Variants in SPDYE21 observed in about 807,000 individuals in gnomAD.
The protein encoded by SPDYE21 is speedy protein E21.
Under a neutral mutation model 36.2 loss-of-function variants are expected in SPDYE21, and 14 were observed. That is an observed-to-expected ratio of 0.39 (90% CI 0.26 to 0.61). The LOEUF is 0.61. Among genes scored for constraint, SPDYE21 ranks in the 20% least tolerant of loss-of-function variants. The pLI, the probability that SPDYE21 is intolerant of heterozygous loss-of-function variation, is 0.55. For missense variants in SPDYE21, 233 were observed against 424.6 expected (o/e 0.55, Z 3.97); for synonymous variants, 58 against 155.1 (o/e 0.37, Z 4.65).
rs868053742 is a variant in SPDYE21 at position 67,286,270 on chromosome 7, C to T, written c.982C>T (p.Arg328Cys). The T allele has an allele frequency of 1.3e-5, 21 of 1,593,036 alleles. 1 individual carries two copies. Among genetic ancestry groups the T allele is most frequent in the Middle Eastern group, 3.4e-4 (2 of 5,866 alleles). Residue 328 changes from arginine (R) to cysteine (C), a missense_variant, in exon 7 of 9, where the codon CGC becomes TGC. Arg to Cys is a radical substitution (Grantham distance 180). Coordinates refer to ENST00000424157, the MANE Select transcript of SPDYE21 (RefSeq NM_001382715.2). Reference protein sequence around the residue: ...RSMNPRARKYRSRIPLVRKRR... With the variant: ...RSMNPRARKYCSRIPLVRKRR... The stretch of plus-strand genomic sequence containing the variant: ...CATGAACCCGAGGGCCAGGAAGTAC[C>T]GCTCTCGCATACCCTTGGTCCGTAA...
At chr7:67,281,099 CAAAA>C (rs3972832) in intron 3 of SPDYE21, among the ~76,000 whole-genome samples, 11 of 43,756 alleles carry the variant, frequency 2.5e-4, no homozygotes, top group East Asian at 2.2e-3. Flanking sequence ...ACAACAACAA[CAAAA>C]AAAAAAAAAA....
chr7:67,279,549 G>A (rs1018569846), intron 2 of SPDYE21, among the ~76,000 whole-genome samples: 3 of 152,056 alleles, frequency 2.0e-5, no homozygotes, highest in Non-Finnish European at 4.4e-5. Flanking sequence ...GCAAGATTCT[G>A]TGTCAAAACA....
intron 2 of SPDYE21, 30 bp from the exon 3 acceptor site, chr7:67,279,788 A>G (rs202162848): frequency 0.059 from 94,035 of 1,593,172 alleles, 3,342 homozygotes; most frequent in Non-Finnish European, 0.068. Context: ...ATGCAGAAGC[A>G]TTACACAGTG....
chr7:67,279,757 G>A, intron 2 of SPDYE21, 61 bp from the exon 3 acceptor site: 11 of 1,593,118 alleles, frequency 6.9e-6, no homozygotes, highest in Non-Finnish European at 9.3e-6. Flanking sequence ...GGGGTTTTGG[G>A]TCGGGGTCTA....
rs1802552087 is a variant in SPDYE21, at chr7:67,276,991, C to T, written c.-494C>T. Among the ~76,000 whole-genome samples the T allele has an allele frequency of 6.6e-6, 1 of 152,114 alleles. No individual in the cohort carries two copies. The highest frequency in any genetic ancestry group is 1.5e-5 in the Non-Finnish European group (1 of 68,022). ...GATCGGCTTCCTCTTTCAGTGTGTGCCTTTTCTATGAGCGAGAGACTCCTA... is the reference window on the plus strand; with the variant it reads ...GATCGGCTTCCTCTTTCAGTGTGTGTCTTTTCTATGAGCGAGAGACTCCTA... On this transcript the variant is annotated 5_prime_UTR_variant, in exon 1 of 9. Coordinates refer to ENST00000424157, the MANE Select transcript of SPDYE21 (RefSeq NM_001382715.2).
Position 67,279,955 on chromosome 7 carries a change from T to G in SPDYE21, c.298T>G (p.Cys100Gly). 6.4e-7 allele frequency: 1 copy of G among 1,574,138 alleles called. No homozygotes were observed. The highest frequency in any genetic ancestry group is 2.3e-5 in the East Asian group (1 of 43,520). The change falls in exon 3 of 9, where the codon TGT becomes GGT. Residue 100 changes from cysteine (C) to glycine (G), a missense_variant. Around this residue, in one of 4 missense-constraint regions of SPDYE21, gnomAD observed 68 missense variants for 87.6 expected, o/e 0.78. Transcript: ENST00000424157. The stretch of plus-strand genomic sequence containing the variant: ...GGAGACCTGGGTAGTGGAGACGCTG[T>G]GTGGGCTTAAGATGAAGCTGAAGCA... ...PEETWVVETL[C>G]GLKMKLKQQR...
rs2116515332 is a variant in SPDYE21, at chr7:67,286,445, G to C, written c.1149+8G>C. Among the ~76,000 whole-genome samples the C allele has an allele frequency of 6.6e-6, 1 of 152,208 alleles. No individual in the cohort carries two copies. The highest frequency in any genetic ancestry group is 6.6e-5 in the Admixed American group (1 of 15,266). ...CCGGAGGAGTTGGAGGAGGTGAGTG[G>C]GGCCTGGGGAGGTGGAGGAGGTGGG... On this transcript the variant is annotated splice_region_variant and intron_variant, in intron 7 of 8. Coordinates refer to ENST00000424157, the MANE Select transcript of SPDYE21 (RefSeq NM_001382715.2).
At position 67,287,613 on chromosome 7, in the gene SPDYE21, G is replaced by A. The variant is rs187204163; in HGVS notation, c.*141G>A. On this transcript the variant is annotated 3_prime_UTR_variant, in exon 9 of 9. Coordinates refer to ENST00000424157, the MANE Select transcript of SPDYE21 (RefSeq NM_001382715.2). Reference sequence around the variant, plus strand: ...AAGGAGAAGAGGAACCATTTGTGCAGATCATCTAGAAGAACCTGGACCATT... The same window carrying A: ...AAGGAGAAGAGGAACCATTTGTGCAAATCATCTAGAAGAACCTGGACCATT... Among the ~76,000 whole-genome samples the A allele has an allele frequency of 4.2e-4, 62 of 147,048 alleles. No homozygotes were observed. The East Asian group carries it at 0.011, about 27-fold the overall frequency.
At chr7:67,283,457 T>C (rs911888572) in intron 5 of SPDYE21, among the ~76,000 whole-genome samples, 1 of 152,112 alleles carries the variant, frequency 6.6e-6, no homozygotes, top group Admixed American at 6.5e-5. Flanking sequence ...TTATGATTTG[T>C]CAGCATCTCC....
At chr7:67,286,877 T>G (rs3980875) in intron 8 of SPDYE21, among the ~76,000 whole-genome samples, 1 of 151,286 alleles carries the variant, frequency 6.6e-6, no homozygotes, top group African/African-American at 2.4e-5. Flanking sequence ...CCTGGAAGGT[T>G]GGGGCTGCAC....
chr7:67,278,217 A>C (rs1802571697), intron 1 of SPDYE21, among the ~76,000 whole-genome samples, 75 bp from the exon 2 acceptor site: 1 of 112,622 alleles, frequency 8.9e-6, no homozygotes, highest in Non-Finnish European at 1.8e-5. Context: ...TGTACATGAT[A>C]ATCTCACTCT....
intron 5 of SPDYE21, 128 bp downstream of exon 5, chr7:67,282,821 T>C: frequency 6.3e-6 from 8 of 1,278,606 alleles, no homozygotes. Context: ...TTTTTTTTTT[T>C]TGTGAGACAG....
intron 1 of SPDYE21, among the ~76,000 whole-genome samples, chr7:67,277,401 ACT>A (rs1400452540): frequency 6.9e-6 from 1 of 144,092 alleles, no homozygotes; most frequent in Admixed American, 7.2e-5. Flanking sequence ...ATGTCATGTA[ACT>A]CTTTCATTTT....
In SPDYE21 at chr7:67,278,241, C is replaced by A. The variant is rs535588555; in HGVS notation, c.-422-51C>A. On this transcript the variant is annotated intron_variant, in intron 1 of 8. Transcript: ENST00000424157. ...TAATCTCACTCTTATAAGGTTTCATCGTTTCTGCTTACCCTAGTTTTCTTT... is the reference window on the plus strand; with the variant it reads ...TAATCTCACTCTTATAAGGTTTCATAGTTTCTGCTTACCCTAGTTTTCTTT... 3.3e-5 allele frequency among the ~76,000 whole-genome samples: 4 copies of A among 121,524 alleles called. 1 individual carries two copies. In the South Asian group the frequency reaches 1.1e-3, roughly 33 times the overall value. The allele number at this position is 121,524 out of a possible 152,430, so 79.7% of individuals were successfully genotyped here.
chr7:67,279,552 T>C (rs1802595816), intron 2 of SPDYE21, among the ~76,000 whole-genome samples: 2 of 151,844 alleles, frequency 1.3e-5, no homozygotes, highest in South Asian at 4.2e-4. Flanking sequence ...AGATTCTGTG[T>C]CAAAACAAAA....
rs1375290879 is a variant in SPDYE21, at chr7:67,282,730, C to T, written c.669+37C>T. The T allele has an allele frequency of 1.6e-4, 174 of 1,064,582 alleles. 1 individual carries two copies. The highest frequency in any genetic ancestry group is 2.2e-4 in the South Asian group (15 of 68,594). The allele number at this position is 1,064,582 out of a possible 1,614,324, so 65.9% of individuals were successfully genotyped here. A position where few individuals can be genotyped will look rare whatever the true frequency, so the allele number is the denominator to read the frequency against. On this transcript the variant is annotated intron_variant, in intron 5 of 8. Coordinates refer to ENST00000424157, the MANE Select transcript of SPDYE21 (RefSeq NM_001382715.2). ...CTCCATGTAACTGTTCCTGTTCCAACACATGGCTGGGGGGAGGGCGCAGCT... is the reference window on the plus strand; with the variant it reads ...CTCCATGTAACTGTTCCTGTTCCAATACATGGCTGGGGGGAGGGCGCAGCT...
In SPDYE21 at chr7:67,288,861, GT is replaced by G. The variant is rs1802789270; in HGVS notation, c.*1393del. 6.6e-6 allele frequency among the ~76,000 whole-genome samples: 1 copy of G among 150,736 alleles called. No individual in the cohort carries two copies. The highest frequency in any genetic ancestry group is 1.5e-5 in the Non-Finnish European group (1 of 67,818). On this transcript the variant is annotated 3_prime_UTR_variant, in exon 9 of 9. Transcript: ENST00000424157. Reference sequence around the variant, plus strand: ...GAATTCAGATGTAATTTTTTACCTTGTTTTGGCATGTTTGTATATTACTTTA... The same window carrying G: ...GAATTCAGATGTAATTTTTTACCTTGTTTGGCATGTTTGTATATTACTTTA...
intron 8 of SPDYE21, among the ~76,000 whole-genome samples, 96 bp downstream of exon 8, chr7:67,286,760 A>G (rs1266003914): frequency 6.6e-6 from 1 of 151,926 alleles, no homozygotes; most frequent in East Asian, 1.9e-4. Flanking sequence ...AGCCTGGGCA[A>G]CGTGGTGAGA....
At chr7:67,281,096 CAACA>C (rs1203370826) in intron 3 of SPDYE21, among the ~76,000 whole-genome samples, 1 of 63,568 alleles carries the variant, frequency 1.6e-5, no homozygotes, top group Non-Finnish European at 3.0e-5. Flanking sequence ...ACAACAACAA[CAACA>C]AAAAAAAAAA....
Sources: allele counts gnomAD v4.1 joint callset (sites outside exome capture counted in the v4.1 genomes callset), GRCh38; gene constraint gnomAD v4.1.1; regional missense constraint gnomAD v4.1.1; transcripts MANE v1.5; gene names NCBI Gene and HGNC (gene_info 2026-07-23, HGNC 2026-07-21).